STOML2: variants seen among roughly 807,000 people sequenced by gnomAD.
STOML2 encodes stomatin like 2.
In STOML2, 22 loss-of-function variants were observed where a neutral mutation model predicts 45.7. The observed-to-expected ratio is 0.48, with a 90% confidence interval of 0.34 to 0.69. The LOEUF is 0.69. STOML2 is among the 30% of genes least tolerant of loss of function. The pLI is 0.01. For missense variants in STOML2, 359 were observed against 466.9 expected (o/e 0.77, Z 2.13); for synonymous variants, 181 against 182.7 (o/e 0.99, Z 0.08).
Position 35,099,857 on chromosome 9 carries a change from T to C in STOML2, c.*178A>G, listed in dbSNP as rs1396136522. ...TGGATCCAAGGAAAATGCTAGTGAC[T>C]TTCCCAACTTCATTCCCCAATCAAA... On this transcript the variant is annotated 3_prime_UTR_variant, in exon 10 of 10. Coordinates refer to ENST00000356493, the MANE Select transcript of STOML2 (RefSeq NM_013442.3). 5 of 682,602 alleles carry C rather than the reference T, an allele frequency of 7.3e-6. No individual in the cohort carries two copies. In the South Asian group the frequency reaches 8.0e-5, roughly 11 times the overall value. 42.3% of individuals were successfully genotyped at this position (682,602 alleles called of 1,614,324 possible). A position where few individuals can be genotyped will look rare whatever the true frequency, so the allele number is the denominator to read the frequency against.
Position 35,101,486 on chromosome 9 carries a change from G to A in STOML2, c.519C>T (p.Leu173=). The A allele has an allele frequency of 6.2e-7, 1 of 1,614,062 alleles. No homozygotes were observed. The highest frequency in any genetic ancestry group is 8.5e-7 in the Non-Finnish European group (1 of 1,180,018). Residue 173 remains leucine, a synonymous_variant, in exon 6 of 10, where the codon CTC becomes CTT. Transcript: ENST00000356493. This position sits in a 1 kb window ranked among gnomAD's most constrained non-coding sequence, Gnocchi z 4.3. ...QAADCWGIRC[L]RYEIKDIHVP... ...CATGGATATCCTTGATCTCATAACGGAGGCAGCGGATACCCCAGCAGTCAG... is the reference window on the plus strand; with the variant it reads ...CATGGATATCCTTGATCTCATAACGAAGGCAGCGGATACCCCAGCAGTCAG...
In STOML2 at chr9:35,101,487, A is replaced by T. The variant is rs751862270; in HGVS notation, c.518T>A (p.Leu173His). ...QAADCWGIRC[L>H]RYEIKDIHVP... ...ATGGATATCCTTGATCTCATAACGGAGGCAGCGGATACCCCAGCAGTCAGC... is the reference window on the plus strand; with the variant it reads ...ATGGATATCCTTGATCTCATAACGGTGGCAGCGGATACCCCAGCAGTCAGC... Residue 173 changes from leucine to histidine, a missense_variant, in exon 6 of 10, where the codon CTC (leucine) becomes CAC (histidine). Leu to His is a moderately conservative substitution (Grantham distance 99, BLOSUM62 -3). This residue lies in a region of STOML2 where 285 missense variants were observed against 422.0 expected (regional missense o/e 0.68). Coordinates refer to ENST00000356493, the MANE Select transcript of STOML2 (RefSeq NM_013442.3). This position sits in a 1 kb window ranked among gnomAD's most constrained non-coding sequence, Gnocchi z 4.3. 2 of 1,614,024 alleles carry T rather than the reference A, an allele frequency of 1.2e-6. No individual in the cohort carries two copies. The highest frequency in any genetic ancestry group is 1.7e-6 in the Non-Finnish European group (2 of 1,180,010).
rs138859576 is a variant in STOML2 at position 35,102,459 on chromosome 9, T to C, written c.183+227A>G. Reference sequence around the variant, plus strand: ...AGCCATCTCTATGCAGACTGAGAGGTAGGGCTGAGAGTGGGCAGGGGAGAT... The same window carrying C: ...AGCCATCTCTATGCAGACTGAGAGGCAGGGCTGAGAGTGGGCAGGGGAGAT... On this transcript the variant is annotated intron_variant, in intron 2 of 9. Transcript: ENST00000356493. The surrounding 1 kb of genome is among the most constrained non-coding windows in gnomAD (Gnocchi z 4.8). 6 of 712,408 alleles carry C rather than the reference T, an allele frequency of 8.4e-6. No individual in the cohort carries two copies. The highest frequency in any genetic ancestry group is 5.6e-5 in the South Asian group (3 of 53,280). The allele number at this position is 712,408 out of a possible 1,614,324, so 44.1% of individuals were successfully genotyped here.
rs552229756 is a variant in STOML2 at position 35,100,618 on chromosome 9, C to T, written c.913G>A (p.Val305Ile). ...TILLPSNPGD[V>I]TSMVAQAMGV... is the part of the protein sequence containing the mutation. ...CTAACCTGAGCCACCATGCTGGTGA[C>T]ATCGCCAGGGTTGGAGGGCAGTAGG... Residue 305 changes from valine (V) to isoleucine (I), a missense_variant, in exon 9 of 10, where the codon GTC becomes ATC. By Grantham distance (29) the Val-to-Ile change is conservative. Coordinates refer to ENST00000356493, the MANE Select transcript of STOML2 (RefSeq NM_013442.3). The T allele has an allele frequency of 2.8e-4, 457 of 1,614,058 alleles. 4 individuals are homozygous for T. In the South Asian group the frequency reaches 4.7e-3, roughly 17 times the overall value.
In STOML2 at chr9:35,102,155, A is replaced by G. The variant is rs1168336946; in HGVS notation, c.223T>C (p.Tyr75His). ...ACAATTTCCTTGAGACTCTGCACAT[A>G]TCGGATCCGGTCTAACACAGGGATG... ...ILIPVLDRIR[Y>H]VQSLKEIVIN... Residue 75 changes from tyrosine to histidine, a missense_variant, in exon 3 of 10, where the codon TAT becomes CAT. Transcript: ENST00000356493. This position sits in a 1 kb window ranked among gnomAD's most constrained non-coding sequence, Gnocchi z 4.8. 1.9e-6 allele frequency: 3 copies of G among 1,613,812 alleles called. No homozygotes were observed. The highest frequency in any genetic ancestry group is 1.1e-5 in the South Asian group (1 of 91,066).
Position 35,101,942 on chromosome 9 carries a change from C to T in STOML2, c.304G>A (p.Asp102Asn), listed in dbSNP as rs775482860. 1.2e-5 allele frequency: 19 copies of T among 1,614,102 alleles called. No homozygotes were observed. The highest frequency in any genetic ancestry group is 1.5e-5 in the Non-Finnish European group (18 of 1,180,020). Residue 102 changes from aspartate to asparagine, a missense_variant, in exon 4 of 10, where the codon GAT becomes AAT. Around this residue, in one of 2 missense-constraint regions of STOML2, gnomAD observed 285 missense variants for 422.0 expected, o/e 0.68. Coordinates refer to ENST00000356493, the MANE Select transcript of STOML2 (RefSeq NM_013442.3). The surrounding 1 kb of genome is among the most constrained non-coding windows in gnomAD (Gnocchi z 4.3). ...VTLDNVTLQI[D>N]GVLYLRIMDP... is the part of the protein sequence containing the mutation. ...ATGATGCGCAGGTAAAGGACTCCATCGATTTGCAGAGTTACATTGTCTGTA... is the reference window on the plus strand; with the variant it reads ...ATGATGCGCAGGTAAAGGACTCCATTGATTTGCAGAGTTACATTGTCTGTA...
rs777589644 is a variant in STOML2 at position 35,101,898 on chromosome 9, A to G, written c.342+6T>C. The G allele has an allele frequency of 5.6e-6, 9 of 1,614,208 alleles. No homozygotes were observed. The South Asian group carries it at 9.9e-5, about 18-fold the overall frequency. ...CAAAAGGCTGGATAAAGTAGGGGAC[A>G]GGTACCTTGTAAGGGTCCATGATGC... On this transcript the variant is annotated splice_donor_region_variant and intron_variant, in intron 4 of 9. Coordinates refer to ENST00000356493, the MANE Select transcript of STOML2 (RefSeq NM_013442.3). The surrounding 1 kb of genome is among the most constrained non-coding windows in gnomAD (Gnocchi z 4.3).
In STOML2 at chr9:35,100,075, G is replaced by A; in HGVS notation, c.1031C>T (p.Ala344Val). 1 of 1,614,164 alleles carries A rather than the reference G, an allele frequency of 6.2e-7. No individual in the cohort carries two copies. The highest frequency in any genetic ancestry group is 1.1e-5 in the South Asian group (1 of 91,078). The part of the protein sequence containing the change: ...GSSRDVQGTD[A>V]SLDEELDRVK... ...TCGATCAAGTTCCTCATCAAGACTTGCATCTGTACCCTGGACATCTCTGCT... is the reference window on the plus strand; with the variant it reads ...TCGATCAAGTTCCTCATCAAGACTTACATCTGTACCCTGGACATCTCTGCT... The change falls in exon 10 of 10, where the codon GCA becomes GTA. Residue 344 changes from alanine (A) to valine (V), a missense_variant. By Grantham distance (64) the Ala-to-Val change is moderately conservative. This residue lies in a region of STOML2 where 285 missense variants were observed against 422.0 expected (regional missense o/e 0.68). Transcript: ENST00000356493.
chr9:35,102,740 C>A lies in STOML2; in HGVS notation c.129G>T (p.Gln43His), dbSNP rs1450193620. ...TTCGCTCCACCACCCAGGCCTCCTG[C>A]TGCGGCACGAACAGTACCACGGTGT... ...PRNTVVLFVP[Q>H]QEAWVVERMG... Residue 43 changes from glutamine to histidine, a missense_variant, in exon 2 of 10, where the codon CAG becomes CAT. Transcript: ENST00000356493. The surrounding 1 kb of genome is among the most constrained non-coding windows in gnomAD (Gnocchi z 4.8). The A allele has an allele frequency of 3.1e-6, 5 of 1,613,926 alleles. No individual in the cohort carries two copies.
Position 35,101,976 on chromosome 9 carries a change from A to C in STOML2, c.284-14T>G. The C allele has an allele frequency of 1.2e-6, 2 of 1,614,194 alleles. No homozygotes were observed. Among genetic ancestry groups the C allele is most frequent in the Non-Finnish European group, 8.5e-7 (1 of 1,180,036 alleles). On this transcript the variant is annotated splice_polypyrimidine_tract_variant and intron_variant, in intron 3 of 9. Transcript: ENST00000356493. The surrounding 1 kb of genome is among the most constrained non-coding windows in gnomAD (Gnocchi z 4.3). ...GAGTTACATTGTCTGTAGAACCAGGAGAGAAAACGGGGAAAGTCAGGCCTC... is the reference window on the plus strand; with the variant it reads ...GAGTTACATTGTCTGTAGAACCAGGCGAGAAAACGGGGAAAGTCAGGCCTC...
Position 35,102,000 on chromosome 9 carries a change from T to C in STOML2, c.284-38A>G, listed in dbSNP as rs1446911531. On this transcript the variant is annotated intron_variant, in intron 3 of 9. Transcript: ENST00000356493. This position sits in a 1 kb window ranked among gnomAD's most constrained non-coding sequence, Gnocchi z 4.3. The stretch of plus-strand genomic sequence containing the variant: ...GAGAGAAAACGGGGAAAGTCAGGCC[T>C]CTAGGTCCCAACCAGTTCTTTCTAC... 1 of 1,613,680 alleles carries C rather than the reference T, an allele frequency of 6.2e-7. No individual in the cohort carries two copies. Among genetic ancestry groups the C allele is most frequent in the Admixed American group, 1.7e-5 (1 of 59,996 alleles).
At chr9:35,103,154 A>G, upstream of STOML2, 2 of 1,592,112 alleles carry the variant, frequency 1.3e-6, no homozygotes, top group Non-Finnish European at 1.7e-6. Context: ...CGCTCCCAGA[A>G]GCCTACCCGA....
Position 35,100,579 on chromosome 9 carries a change from G to A in STOML2, c.933+19C>T. On this transcript the variant is annotated intron_variant, in intron 9 of 9. Coordinates refer to ENST00000356493, the MANE Select transcript of STOML2 (RefSeq NM_013442.3). ...CCCTGGCACCAGTGCTCTATGCTGG[G>A]TCCTCAGAGAGCTCTAACCTGAGCC... 6.2e-7 allele frequency: 1 copy of A among 1,613,174 alleles called. No individual in the cohort carries two copies. The highest frequency in any genetic ancestry group is 8.5e-7 in the Non-Finnish European group (1 of 1,179,952).
chr9:35,102,907 G>A lies in STOML2; in HGVS notation c.46-84C>T. The A allele has an allele frequency of 6.3e-7, 1 of 1,577,226 alleles. No homozygotes were observed. Among genetic ancestry groups the A allele is most frequent in the Non-Finnish European group, 8.6e-7 (1 of 1,159,270 alleles). The stretch of plus-strand genomic sequence containing the variant: ...TCCTGAAGGCATCTCCATAAACCAC[G>A]ACCCTCAGGATCCTCGGAGAATCAC... On this transcript the variant is annotated intron_variant, in intron 1 of 9. Coordinates refer to ENST00000356493, the MANE Select transcript of STOML2 (RefSeq NM_013442.3). The surrounding 1 kb of genome is among the most constrained non-coding windows in gnomAD (Gnocchi z 4.8).
intron 9 of STOML2, 149 bp from the exon 10 acceptor site, chr9:35,100,321 G>A: frequency 9.0e-7 from 1 of 1,106,516 alleles, no homozygotes. Context: ...AAGCTCTGGA[G>A]TTGATTTTAG....
chr9:35,102,267 T>C lies in STOML2; in HGVS notation c.184-73A>G, dbSNP rs531585494. ...TGGGACCTAAGCTAGTCCTGGAGTA[T>C]GTAGGGAGTCAACACATGGAACATG... is the stretch of plus-strand genomic sequence containing the variant. On this transcript the variant is annotated intron_variant, in intron 2 of 9. Transcript: ENST00000356493. The surrounding 1 kb of genome is among the most constrained non-coding windows in gnomAD (Gnocchi z 4.8). 1.3e-5 allele frequency: 17 copies of C among 1,309,248 alleles called. No homozygotes were observed. The East Asian group carries it at 2.1e-4, about 16-fold the overall frequency. The allele number at this position is 1,309,248 out of a possible 1,614,324, so 81.1% of individuals were successfully genotyped here.
rs2131095537 is a variant in STOML2, at chr9:35,101,979, G to T, written c.284-17C>A. 1 of 1,614,112 alleles carries T rather than the reference G, an allele frequency of 6.2e-7. No homozygotes were observed. The highest frequency in any genetic ancestry group is 2.2e-5 in the East Asian group (1 of 44,878). ...TTACATTGTCTGTAGAACCAGGAGA[G>T]AAAACGGGGAAAGTCAGGCCTCTAG... On this transcript the variant is annotated splice_polypyrimidine_tract_variant and intron_variant, in intron 3 of 9. Transcript: ENST00000356493. This position sits in a 1 kb window ranked among gnomAD's most constrained non-coding sequence, Gnocchi z 4.3.
Position 35,101,825 on chromosome 9 carries a change from G to C in STOML2, c.343-14C>G. 1 of 1,614,076 alleles carries C rather than the reference G, an allele frequency of 6.2e-7. No individual in the cohort carries two copies. Among genetic ancestry groups the C allele is most frequent in the Non-Finnish European group, 8.5e-7 (1 of 1,179,952 alleles). On this transcript the variant is annotated splice_polypyrimidine_tract_variant and intron_variant, in intron 4 of 9. Transcript: ENST00000356493. The surrounding 1 kb of genome is among the most constrained non-coding windows in gnomAD (Gnocchi z 4.3). ...ACCGTAGCTTGCCTGAGATGGACAC[G>C]GATAGTGTAAGAAGCTTGGGCACAA...
At chr9:35,103,168 T>C, upstream of STOML2, 2 of 1,578,246 alleles carry the variant, frequency 1.3e-6, no homozygotes, top group East Asian at 2.2e-5. Flanking sequence ...TACCCGAGCC[T>C]TTCCTCTTGC....
Sources: gnomAD v4.1 joint callset for allele counts on GRCh38, gnomAD v4.1.1 for gene constraint, gnomAD v4.1.1 regional missense constraint, Gnocchi (gnomAD v3.1) non-coding constraint, MANE v1.5 for transcripts, NCBI Gene and HGNC (gene_info 2026-07-23, HGNC 2026-07-21) for gene names.